Variants in STK32C observed in about 807,000 individuals in gnomAD.
STK32C encodes the protein serine/threonine-protein kinase 32C.
Under a neutral mutation model 56.5 loss-of-function variants are expected in STK32C, and 31 were observed. The observed-to-expected ratio is 0.55, with a 90% CI of 0.41 to 0.74. The LOEUF (loss-of-function observed/expected upper bound fraction) is 0.74. Among genes scored for constraint, STK32C ranks in the 30% least tolerant of loss-of-function variants. STK32C has a pLI of 0.00. For missense variants in STK32C, 544 were observed against 676.9 expected, an observed-to-expected ratio of 0.80 and a Z score of 2.18; for synonymous variants, 309 against 289.4, an observed-to-expected ratio of 1.07 and a Z score of -0.69.
intron 10 of STK32C, among the ~76,000 whole-genome samples, chr10:132,215,458 A>G (rs2062440934): frequency 6.6e-6 from 1 of 151,672 alleles, no homozygotes; most frequent in Non-Finnish European, 1.5e-5. Flanking sequence ...TGCTGTTGTC[A>G]TGATAGTGAA....
chr10:132,237,112 G>C (rs545629107), intron 2 of STK32C, among the ~76,000 whole-genome samples: 34 of 152,350 alleles, frequency 2.2e-4, no homozygotes, highest in African/African-American at 8.2e-4. Context: ...TGAGACCGGA[G>C]CTGCCAGCTG....
intron 1 of STK32C, among the ~76,000 whole-genome samples, chr10:132,295,584 A>G (rs1275203073): frequency 6.6e-6 from 1 of 152,232 alleles, no homozygotes; most frequent in Non-Finnish European, 1.5e-5. Flanking sequence ...GAAGAGACAA[A>G]TCTACACAGA....
At chr10:132,304,147 G>A (rs574276694) in intron 1 of STK32C, among the ~76,000 whole-genome samples, 51 of 152,308 alleles carry the variant, frequency 3.3e-4, no homozygotes, top group African/African-American at 1.2e-3. Flanking sequence ...TCATCAATAC[G>A]TCGTTTATGA....
At chr10:132,326,675 G>C (rs957802362) in intron 1 of STK32C, among the ~76,000 whole-genome samples, 1 of 152,176 alleles carries the variant, frequency 6.6e-6, no homozygotes, top group Non-Finnish European at 1.5e-5. Context: ...CCCAAAAGGA[G>C]AGGAGTATCA....
chr10:132,318,590 G>A (rs1293598552), intron 1 of STK32C, among the ~76,000 whole-genome samples: 1 of 151,618 alleles, frequency 6.6e-6, no homozygotes, highest in Non-Finnish European at 1.5e-5. Flanking sequence ...ACTCTAGCCT[G>A]GGCAACAGAG....
At chr10:132,312,989 G>A (rs77992147) in intron 1 of STK32C, among the ~76,000 whole-genome samples, 1,650 of 152,286 alleles carry the variant, frequency 0.011, 29 homozygotes, top group African/African-American at 0.038. Flanking sequence ...GCTGTGAGCC[G>A]AGATCACGCC....
chr10:132,318,439 A>G (rs1327491793), intron 1 of STK32C, among the ~76,000 whole-genome samples: 3 of 151,866 alleles, frequency 2.0e-5, no homozygotes, highest in African/African-American at 7.3e-5. Flanking sequence ...AACATAGGAA[A>G]ACCTGTCTCT....
intron 1 of STK32C, among the ~76,000 whole-genome samples, chr10:132,329,122 GGGCAGTGGCTCAGGACT>G (rs1438114999): frequency 1.3e-5 from 2 of 152,204 alleles, no homozygotes; most frequent in Admixed American, 1.3e-4. Flanking sequence ...TGTCTACCCC[GGGCAGTGGCTCAGGACT>G]GGCAGTGGCT....
At chr10:132,280,238 A>G (rs894867125) in intron 1 of STK32C, among the ~76,000 whole-genome samples, 9 of 114,920 alleles carry the variant, frequency 7.8e-5, no homozygotes, top group Middle Eastern at 7.1e-3. Context: ...TGAGGCCTCC[A>G]CACCGTGACC....
intron 1 of STK32C, among the ~76,000 whole-genome samples, chr10:132,287,533 C>G (rs1027535282): frequency 6.6e-6 from 1 of 151,220 alleles, no homozygotes; most frequent in South Asian, 2.1e-4. Context: ...CTCACTGCAA[C>G]CTCCACCTCC....
intron 1 of STK32C, among the ~76,000 whole-genome samples, chr10:132,315,750 A>G (rs1029761782): frequency 1.3e-5 from 2 of 152,238 alleles, no homozygotes; most frequent in African/African-American, 2.4e-5. Context: ...CACAATAACC[A>G]ATAACTGCAT....
intron 1 of STK32C, among the ~76,000 whole-genome samples, chr10:132,301,025 G>A (rs2065896770): frequency 6.6e-6 from 1 of 152,096 alleles, no homozygotes; most frequent in African/African-American, 2.4e-5. Flanking sequence ...TAGAAGGCCT[G>A]GTCGTCCACT....
chr10:132,238,878 C>T (rs1273526251), intron 2 of STK32C, among the ~76,000 whole-genome samples: 2 of 152,174 alleles, frequency 1.3e-5, no homozygotes, highest in African/African-American at 2.4e-5. Flanking sequence ...TTCATGTACA[C>T]AGGTATGCAC....
At chr10:132,272,967 G>C (rs1430321219) in intron 1 of STK32C, among the ~76,000 whole-genome samples, 2 of 152,098 alleles carry the variant, frequency 1.3e-5, no homozygotes, top group African/African-American at 4.8e-5. Context: ...AGCTCCCTCT[G>C]CCCGGAGCCC....
chr10:132,288,285 G>A (rs144963296), intron 1 of STK32C, among the ~76,000 whole-genome samples: 7 of 152,324 alleles, frequency 4.6e-5, no homozygotes, highest in South Asian at 2.1e-4. Flanking sequence ...GTGATCAAGC[G>A]CTGGTCGAAG....
chr10:132,258,843 C>T (rs1210054379), intron 1 of STK32C, among the ~76,000 whole-genome samples: 4 of 152,254 alleles, frequency 2.6e-5, no homozygotes, highest in African/African-American at 9.6e-5. Context: ...GCTGCGAGGG[C>T]CTCCAGGGCA....
chr10:132,245,522 G>A (rs762048024), intron 2 of STK32C, among the ~76,000 whole-genome samples: 6 of 152,232 alleles, frequency 3.9e-5, no homozygotes, highest in Non-Finnish European at 7.3e-5. Flanking sequence ...CAGGGATAAG[G>A]ATGAGGACAA....
chr10:132,282,304 C>T (rs1321103086), intron 1 of STK32C, among the ~76,000 whole-genome samples: 1 of 152,258 alleles, frequency 6.6e-6, no homozygotes, highest in African/African-American at 2.4e-5. Flanking sequence ...CTTCCCCAGG[C>T]CGTCCAGAGT....
chr10:132,278,100 T>C (rs1338752270), intron 1 of STK32C, among the ~76,000 whole-genome samples: 1 of 152,092 alleles, frequency 6.6e-6, no homozygotes, highest in Non-Finnish European at 1.5e-5. Flanking sequence ...TGGGAACCCA[T>C]TGCTCACACC....
Sources: allele counts gnomAD v4.1 joint callset (sites outside exome capture counted in the v4.1 genomes callset), GRCh38; gene constraint gnomAD v4.1.1; transcripts MANE v1.5; gene names NCBI Gene and HGNC (gene_info 2026-07-23, HGNC 2026-07-21).